The following CENPO variants were observed in gnomAD, a reference collection of about 807,000 sequenced individuals.
The protein encoded by CENPO is centromere protein O, also known as centromeric protein O.
CENPO carries 30 observed loss-of-function variants against 36.1 expected under a neutral mutation model. The ratio of observed to expected loss-of-function variants is 0.83; its 90% CI spans 0.62 to 1.13. The LOEUF (loss-of-function observed/expected upper bound fraction) is 1.13, where lower values mean the gene tolerates loss of function less well. CENPO is among the 50% of genes most tolerant of loss of function. The pLI, the probability that CENPO is intolerant of heterozygous loss-of-function variation, is 0.00. For missense variants in CENPO, 349 were observed against 357.8 expected, an observed-to-expected ratio of 0.98 and a Z score of 0.20; for synonymous variants, 171 against 142.3, an observed-to-expected ratio of 1.20 and a Z score of -1.44.
At chr2:24,817,570 C>T in intron 6 of CENPO, 100 bp from the exon 7 acceptor site, 3 of 1,488,836 alleles carry the variant, frequency 2.0e-6, no homozygotes, top group African/African-American at 1.4e-5. Context: ...GATCCAGGCT[C>T]CGATTCCCCC....
chr2:24,808,875 A>G (rs1572735279), intron 3 of CENPO, among the ~76,000 whole-genome samples: 1 of 151,456 alleles, frequency 6.6e-6, no homozygotes, highest in African/African-American at 2.4e-5. Context: ...AAGCAGGTTG[A>G]GACATTTTCC....
At chr2:24,794,235 G>A (rs977456908) in intron 2 of CENPO, among the ~76,000 whole-genome samples, 2 of 152,228 alleles carry the variant, frequency 1.3e-5, no homozygotes, top group African/African-American at 4.8e-5. Flanking sequence ...GTTCTAGCCA[G>A]GGAGGTCCCT....
Position 24,819,845 on chromosome 2 carries a change from A to C in CENPO, c.*527A>C, listed in dbSNP as rs1425184024. The C allele has an allele frequency of 1.4e-6, 2 of 1,394,536 alleles. No homozygotes were observed. Among genetic ancestry groups the C allele is most frequent in the East Asian group, 2.4e-5 (1 of 41,324 alleles). The allele number at this position is 1,394,536 out of a possible 1,614,324, so 86.4% of individuals were successfully genotyped here. A position where few individuals can be genotyped will look rare whatever the true frequency, so the allele number is the denominator to read the frequency against. On this transcript the variant is annotated 3_prime_UTR_variant, in exon 8 of 8. Transcript: ENST00000380834. ...CTAAACCTAAAGTCCATGAGTGTGC[A>C]CTTCAATCCAGGAAGGTCGGGACTT...
chr2:24,799,564 A>C, intron 2 of CENPO, 111 bp from the exon 3 acceptor site: 1 of 789,240 alleles, frequency 1.3e-6, no homozygotes, highest in Non-Finnish European at 1.9e-6. Flanking sequence ...GCTGGCCACA[A>C]AGTTCTGGTA....
chr2:24,796,014 G>A (rs1252771608), intron 2 of CENPO, among the ~76,000 whole-genome samples: 2 of 152,196 alleles, frequency 1.3e-5, no homozygotes, highest in African/African-American at 4.8e-5. Context: ...CCAAGTGAAT[G>A]TAATCTCCAA....
At chr2:24,817,554 G>A (rs10178420) in intron 6 of CENPO, 116 bp from the exon 7 acceptor site, 909,545 of 1,222,710 alleles carry the variant, frequency 0.74, 348,921 homozygotes, top group Admixed American at 0.83. Context: ...GAGATTGAAT[G>A]TCAGTGATCC....
chr2:24,819,612 C>A lies in CENPO; in HGVS notation c.*294C>A, dbSNP rs1358772315. ...CCGGAAAGCCCAGCGGCAAAGGCAG[C>A]TTTGTCCCAGCTCTGCCACCCTCCT... is the stretch of plus-strand genomic sequence containing the variant. On this transcript the variant is annotated 3_prime_UTR_variant, in exon 8 of 8. Transcript: ENST00000380834. 2 of 228,364 alleles carry A rather than the reference C, an allele frequency of 8.8e-6. No individual in the cohort carries two copies. The highest frequency in any genetic ancestry group is 1.7e-5 in the Non-Finnish European group (2 of 116,420). 14.1% of individuals were successfully genotyped at this position (228,364 alleles called of 1,614,324 possible).
intron 1 of CENPO, 92 bp downstream of exon 1, chr2:24,793,593 T>TAAAA: frequency 2.7e-6 from 4 of 1,455,740 alleles, no homozygotes; most frequent in Non-Finnish European, 3.6e-6. Context: ...TAAAACTCCT[T>TAAAA]CCGTGGCCGG....
chr2:24,806,684 C>T (rs1236150338), intron 3 of CENPO, among the ~76,000 whole-genome samples: 1 of 152,166 alleles, frequency 6.6e-6, no homozygotes, highest in Non-Finnish European at 1.5e-5. Context: ...ACATTCCCAG[C>T]AATAGTTGTA....
chr2:24,800,839 C>A (rs1213443222), intron 3 of CENPO, among the ~76,000 whole-genome samples: 1 of 152,110 alleles, frequency 6.6e-6, no homozygotes, highest in Non-Finnish European at 1.5e-5. Flanking sequence ...TGGATATATA[C>A]CCAGTAATGG....
chr2:24,814,527 G>C, intron 4 of CENPO, 34 bp downstream of exon 4: 1 of 986,346 alleles, frequency 1.0e-6, no homozygotes, highest in Non-Finnish European at 1.6e-6. Flanking sequence ...ATTTAGTCTG[G>C]GTCTGCCTCT....
intron 2 of CENPO, among the ~76,000 whole-genome samples, chr2:24,794,441 T>C (rs1665788876): frequency 6.6e-6 from 1 of 152,232 alleles, no homozygotes; most frequent in Admixed American, 6.5e-5. Context: ...AATAGCACTG[T>C]AGTTGTGGTT....
chr2:24,820,175 TGGG>T lies in CENPO; in HGVS notation c.*860_*862del. The T allele has an allele frequency of 2.4e-6, 1 of 425,524 alleles. No individual in the cohort carries two copies. The highest frequency in any genetic ancestry group is 3.9e-6 in the Non-Finnish European group (1 of 259,338). The allele number at this position is 425,524 out of a possible 1,614,324, so 26.4% of individuals were successfully genotyped here. ...GGGGGGAGCCTAGACTGAGGGCGGG[TGGG>T]GGCTTTGGGTGGTTGGAGCCGAGCA... On this transcript the variant is annotated 3_prime_UTR_variant, in exon 8 of 8. Transcript: ENST00000380834.
chr2:24,793,927 A>C lies in CENPO; in HGVS notation c.8A>C (p.Gln3Pro). The change falls in exon 2 of 8, where the codon CAG (glutamine) becomes CCG (proline). Residue 3 changes from glutamine to proline, a missense_variant. Transcript: ENST00000380834. Reference protein sequence around the residue: MEQANPLRPDGES... With the variant: MEPANPLRPDGES... ...GGCCCTTGGGAATCTGAGATGGAGC[A>C]GGCGAACCCTTTACGTCCAGATGGC... The C allele has an allele frequency of 1.2e-6, 2 of 1,614,206 alleles. No individual in the cohort carries two copies. The highest frequency in any genetic ancestry group is 1.7e-6 in the Non-Finnish European group (2 of 1,180,030).
chr2:24,797,886 G>A (rs960975128), intron 2 of CENPO, among the ~76,000 whole-genome samples: 5 of 152,300 alleles, frequency 3.3e-5, no homozygotes, highest in African/African-American at 1.2e-4. Flanking sequence ...GGGAACAGAA[G>A]TGAGTTTCAA....
At chr2:24,817,395 C>T (rs149464998) in intron 6 of CENPO, among the ~76,000 whole-genome samples, 75 of 150,284 alleles carry the variant, frequency 5.0e-4, no homozygotes, top group African/African-American at 1.7e-3. Flanking sequence ...TTTGATTTCT[C>T]TGCGCAGTTA....
chr2:24,802,142 G>A (rs1666188799), intron 3 of CENPO, among the ~76,000 whole-genome samples: 1 of 152,148 alleles, frequency 6.6e-6, no homozygotes, highest in Non-Finnish European at 1.5e-5. Flanking sequence ...TGTTATTGGT[G>A]TATAAGAATG....
chr2:24,811,406 G>A (rs538839974), intron 3 of CENPO, among the ~76,000 whole-genome samples: 6 of 148,872 alleles, frequency 4.0e-5, no homozygotes, highest in Non-Finnish European at 8.9e-5. Flanking sequence ...TCAGCCTCCT[G>A]AGTAGCTGGG....
intron 2 of CENPO, among the ~76,000 whole-genome samples, chr2:24,795,657 A>G (rs567375656): frequency 6.6e-6 from 1 of 152,308 alleles, no homozygotes; most frequent in African/African-American, 2.4e-5. Context: ...ATTGATATCT[A>G]CTGTTTTAGT....
Sources: allele counts gnomAD v4.1 joint callset (sites outside exome capture counted in the v4.1 genomes callset), GRCh38; gene constraint gnomAD v4.1.1; transcripts MANE v1.5; gene names NCBI Gene and HGNC (gene_info 2026-07-23, HGNC 2026-07-21).